The following UBE2W variants were observed in gnomAD, a reference collection of about 807,000 sequenced individuals.
UBE2W encodes the protein ubiquitin-conjugating enzyme E2 W.
UBE2W carries 18 observed loss-of-function variants against 27.2 expected under a neutral mutation model. That is an observed-to-expected ratio of 0.66 (90% CI 0.46 to 0.98). The LOEUF is 0.98. Among genes scored for constraint, UBE2W ranks in the 50% least tolerant of loss-of-function variants. UBE2W has a pLI of 0.00. For synonymous variants in UBE2W, 53 were observed against 57.2 expected (o/e 0.93, Z 0.33); for missense variants, 90 against 180.2 (o/e 0.50, Z 2.87).
chr8:73,832,259 C>A (rs1004293279), intron 1 of UBE2W, among the ~76,000 whole-genome samples: 1 of 151,822 alleles, frequency 6.6e-6, no homozygotes, highest in Admixed American at 6.6e-5. Flanking sequence ...TATAGTTGTA[C>A]CACTGCACTC....
rs1162712227 is a variant in UBE2W, at chr8:73,805,454, C to CAAAAAAAAAAAAAAAAAAA, written c.442+196_442+197insTTTTTTTTTTTTTTTTTTT. Among the ~76,000 whole-genome samples, 24 of 14,564 alleles carry CAAAAAAAAAAAAAAAAAAA rather than the reference C, an allele frequency of 1.6e-3. 6 individuals carry two copies. Among genetic ancestry groups the CAAAAAAAAAAAAAAAAAAA allele is most frequent in the African/African-American group, 3.4e-3 (16 of 4,764 alleles). The allele number at this position is 14,564 out of a possible 152,430, so 9.6% of individuals were successfully genotyped here. A position where few individuals can be genotyped will look rare whatever the true frequency, so the allele number is the denominator to read the frequency against. ...GGGCAACAAGAGCAAAACTCCATCT[C>CAAAAAAAAAAAAAAAAAAA]AAAAAAAAAAAAAAAAACAAAAAAA... On this transcript the variant is annotated intron_variant, in intron 5 of 5. Coordinates refer to ENST00000602593, the MANE Select transcript of UBE2W (RefSeq NM_018299.6).
chr8:73,783,240 C>T (rs188870696), downstream of UBE2W, among the ~76,000 whole-genome samples: 6 of 152,176 alleles, frequency 3.9e-5, no homozygotes, highest in South Asian at 8.3e-4. Flanking sequence ...AATTTTGATG[C>T]GTCCAACTCA....
intron 1 of UBE2W, among the ~76,000 whole-genome samples, chr8:73,859,684 G>A (rs1358297965): frequency 6.6e-6 from 1 of 152,130 alleles, no homozygotes; most frequent in Non-Finnish European, 1.5e-5. Context: ...GGGAAGTAAA[G>A]TTATATACGG....
chr8:73,794,857 AAAAAAAAAAAAAG>A (rs1292979193), intron 5 of UBE2W, among the ~76,000 whole-genome samples: 14 of 147,496 alleles, frequency 9.5e-5, no homozygotes, highest in Non-Finnish European at 1.9e-4. Context: ...TGTCTCATAA[AAAAAAAAAAAAAG>A]AAAAAAAAAA....
At chr8:73,780,625 A>C in intron 4 of UBE2W, 1 of 392,718 alleles carries the variant, frequency 2.5e-6, no homozygotes, top group Non-Finnish European at 5.0e-6. Flanking sequence ...AGGTTGAAGC[A>C]ATCTTCACAC....
intron 4 of UBE2W, among the ~76,000 whole-genome samples, chr8:73,808,398 C>T (rs562294016): frequency 6.6e-6 from 1 of 152,264 alleles, no homozygotes; most frequent in South Asian, 2.1e-4. Flanking sequence ...CCACGCCCAG[C>T]TAATTTTTCT....
rs565202124 is a variant in UBE2W, at chr8:73,878,846, G to C, written c.-24C>G. 2.6e-6 allele frequency: 4 copies of C among 1,548,142 alleles called. No homozygotes were observed. Among genetic ancestry groups the C allele is most frequent in the South Asian group, 1.2e-5 (1 of 83,898 alleles). ...ATGATGGAACCATCCCCCCAAGACC[G>C]GCGAGGCCAGAGACGCAGGGGGAGG... On this transcript the variant is annotated 5_prime_UTR_variant, in exon 1 of 6. Coordinates refer to ENST00000602593, the MANE Select transcript of UBE2W (RefSeq NM_018299.6).
rs1808081821 is a variant in UBE2W, at chr8:73,789,102, T to C, written c.*5000A>G. The C allele has an allele frequency of 1.2e-5, 12 of 985,000 alleles. No homozygotes were observed. Among genetic ancestry groups the C allele is most frequent in the Admixed American group, 6.2e-5 (1 of 16,242 alleles). The allele number at this position is 985,000 out of a possible 1,614,324, so 61.0% of individuals were successfully genotyped here. ...AGAACCCTAACTTCAACTTTCAGGA[T>C]AGAGAGCTAAGTTTCAAGTACATGT... On this transcript the variant is annotated 3_prime_UTR_variant, in exon 6 of 6. Transcript: ENST00000602593.
At chr8:73,805,472 C>CAAAAAAAAAAAAAAAAAAAAAAACAA in intron 5 of UBE2W, among the ~76,000 whole-genome samples, 179 bp downstream of exon 5, 1 of 43,676 alleles carries the variant, frequency 2.3e-5, no homozygotes, top group African/African-American at 6.0e-5. Flanking sequence ...AAAAAAAAAA[C>CAAAAAAAAAAAAAAAAAAAAAAACAA]AAAAAAAACT....
chr8:73,834,983 G>A (rs145021898), intron 1 of UBE2W, among the ~76,000 whole-genome samples: 41 of 152,216 alleles, frequency 2.7e-4, no homozygotes, highest in Non-Finnish European at 5.9e-4. Flanking sequence ...ACCCTTTGTA[G>A]AGCGTCTCAA....
At chr8:73,838,880 G>A (rs1810414766) in intron 1 of UBE2W, among the ~76,000 whole-genome samples, 1 of 152,124 alleles carries the variant, frequency 6.6e-6, no homozygotes, top group Non-Finnish European at 1.5e-5. Flanking sequence ...ACTGCTTTCT[G>A]CAACTAATCA....
intron 1 of UBE2W, among the ~76,000 whole-genome samples, chr8:73,865,189 A>G (rs1428078764): frequency 6.4e-5 from 9 of 140,354 alleles, no homozygotes; most frequent in African/African-American, 2.7e-4. Context: ...TCAAAAAAAA[A>G]AAAAAAAAAA....
chr8:73,818,147 T>C (rs2130886519), intron 3 of UBE2W, among the ~76,000 whole-genome samples: 1 of 152,342 alleles, frequency 6.6e-6, no homozygotes, highest in African/African-American at 2.4e-5. Flanking sequence ...CCCCAAAGCA[T>C]ACAATTCACA....
chr8:73,850,725 TAAAAAAAAAAAA>T (rs11318665), intron 1 of UBE2W, among the ~76,000 whole-genome samples: 1 of 63,590 alleles, frequency 1.6e-5, no homozygotes, highest in Non-Finnish European at 2.9e-5. Flanking sequence ...AGCAGGACAT[TAAAAAAAAAAAA>T]AAAAAAAAAA....
intron 1 of UBE2W, among the ~76,000 whole-genome samples, chr8:73,856,356 A>AT: frequency 2.4e-5 from 2 of 83,366 alleles, no homozygotes; most frequent in East Asian, 4.1e-4. Flanking sequence ...TACACTTATG[A>AT]ATTTTTTTTT....
chr8:73,821,336 C>T (rs1172770644), intron 3 of UBE2W, among the ~76,000 whole-genome samples: 1 of 151,938 alleles, frequency 6.6e-6, no homozygotes, highest in Non-Finnish European at 1.5e-5. Flanking sequence ...TTATGAAGTA[C>T]TATATAGAAA....
intron 1 of UBE2W, among the ~76,000 whole-genome samples, chr8:73,875,683 C>A (rs1317595497): frequency 6.6e-6 from 1 of 152,248 alleles, no homozygotes; most frequent in South Asian, 2.1e-4. Flanking sequence ...TTTTCCTAAT[C>A]GAAATCCCCA....
chr8:73,860,275 T>A (rs568491841), intron 1 of UBE2W, among the ~76,000 whole-genome samples: 1 of 152,314 alleles, frequency 6.6e-6, no homozygotes, highest in African/African-American at 2.4e-5. Flanking sequence ...AAATGCTGTA[T>A]AAATTTTCCT....
rs370609892 is a variant in UBE2W at position 73,845,021 on chromosome 8, C to A, written c.16-14549G>T. Among the ~76,000 whole-genome samples the A allele has an allele frequency of 1.5e-4, 22 of 150,504 alleles. No individual in the cohort carries two copies. The East Asian group carries it at 2.4e-3, about 16-fold the overall frequency. Reference sequence around the variant, plus strand: ...GCCCCGTCCAGGAGGTGGGGGGCAGCCCCCGCCCGGCCAGCCACCCCATCC... The same window carrying A: ...GCCCCGTCCAGGAGGTGGGGGGCAGACCCCGCCCGGCCAGCCACCCCATCC... On this transcript the variant is annotated intron_variant, in intron 1 of 5. Coordinates refer to ENST00000602593, the MANE Select transcript of UBE2W (RefSeq NM_018299.6).
Sources: allele counts gnomAD v4.1 joint callset (sites outside exome capture counted in the v4.1 genomes callset), GRCh38; gene constraint gnomAD v4.1.1; transcripts MANE v1.5; gene names NCBI Gene and HGNC (gene_info 2026-07-23, HGNC 2026-07-21).